Variants in HECW2 observed in about 807,000 individuals in gnomAD.
HECW2 encodes HECT, C2 and WW domain containing E3 ubiquitin protein ligase 2, also known as E3 ubiquitin-protein ligase HECW2.
Under a neutral mutation model 175.2 loss-of-function variants are expected in HECW2, and 61 were observed. The ratio of observed to expected loss-of-function variants is 0.35; its 90% CI spans 0.28 to 0.43. The LOEUF (loss-of-function observed/expected upper bound fraction) is 0.43, where lower values mean the gene tolerates loss of function less well. Among genes scored for constraint, HECW2 ranks in the 20% least tolerant of loss-of-function variants. HECW2 has a pLI of 1.00. For synonymous variants in HECW2, 671 were observed against 731.0 expected (o/e 0.92, Z 1.32); for missense variants, 1,524 against 2,000.5 (o/e 0.76, Z 4.54).
intron 1 of HECW2, among the ~76,000 whole-genome samples, chr2:196,491,407 C>T (rs905164572): frequency 9.6e-6 from 1 of 104,480 alleles, no homozygotes; most frequent in Non-Finnish European, 2.2e-5. Context: ...CACACACACA[C>T]GTGTGTATGC....
chr2:196,494,615 T>G (rs1209216208), intron 1 of HECW2, among the ~76,000 whole-genome samples: 1 of 152,118 alleles, frequency 6.6e-6, no homozygotes, highest in African/African-American at 2.4e-5. Flanking sequence ...GCATGACAAT[T>G]GAGGGTGGAT....
In HECW2 at chr2:196,347,254, G is replaced by A. The variant is rs574709154; in HGVS notation, c.293-3490C>T. ...TTTTTATATTTTCAGTAGAGACGGGGTTTCACCATGTTGGCCAGGCTGGTC... is the reference window on the plus strand; with the variant it reads ...TTTTTATATTTTCAGTAGAGACGGGATTTCACCATGTTGGCCAGGCTGGTC... On this transcript the variant is annotated intron_variant, in intron 2 of 28. Transcript: ENST00000644978. Among the ~76,000 whole-genome samples the A allele has an allele frequency of 1.6e-3, 247 of 151,992 alleles. 1 individual carries two copies. Among genetic ancestry groups the A allele is most frequent in the Non-Finnish European group, 2.8e-3 (190 of 67,996 alleles).
intron 1 of HECW2, among the ~76,000 whole-genome samples, chr2:196,572,010 A>C (rs1326724551): frequency 6.6e-6 from 1 of 152,228 alleles, no homozygotes; most frequent in Non-Finnish European, 1.5e-5. Flanking sequence ...GCATTATGTT[A>C]AGTGAAATAA....
chr2:196,544,863 C>A (rs953057459), intron 1 of HECW2, among the ~76,000 whole-genome samples: 1 of 152,160 alleles, frequency 6.6e-6, no homozygotes, highest in African/African-American at 2.4e-5. Flanking sequence ...AAAAAGGGCC[C>A]CGCAGGACCT....
chr2:196,218,761 T>G (rs1255232621), intron 26 of HECW2, among the ~76,000 whole-genome samples: 1 of 152,208 alleles, frequency 6.6e-6, no homozygotes, highest in Admixed American at 6.5e-5. Context: ...AAAATATAAC[T>G]TATGTAGCAT....
chr2:196,521,200 C>A (rs1688360924), intron 1 of HECW2, among the ~76,000 whole-genome samples: 1 of 148,800 alleles, frequency 6.7e-6, no homozygotes, highest in Non-Finnish European at 1.5e-5. Flanking sequence ...ACCAGCATCA[C>A]ACCCAGGATC....
intron 15 of HECW2, among the ~76,000 whole-genome samples, chr2:196,276,650 A>G (rs1335559177): frequency 6.6e-6 from 1 of 152,228 alleles, no homozygotes; most frequent in African/African-American, 2.4e-5. Context: ...GAATGTTGTT[A>G]GTGCCATTCA....
At chr2:196,504,133 T>C (rs1687668804) in intron 1 of HECW2, among the ~76,000 whole-genome samples, 1 of 151,770 alleles carries the variant, frequency 6.6e-6, no homozygotes, top group Admixed American at 6.6e-5. Flanking sequence ...TCATCACCAC[T>C]AAAAATACAA....
At chr2:196,423,895 T>C (rs1490811561) in intron 2 of HECW2, among the ~76,000 whole-genome samples, 1 of 152,110 alleles carries the variant, frequency 6.6e-6, no homozygotes, top group Admixed American at 6.6e-5. Flanking sequence ...ATAGTATTTA[T>C]ATTTTTAATT....
intron 28 of HECW2, 97 bp from the exon 29 acceptor site, chr2:196,201,485 T>A: frequency 1.5e-6 from 1 of 646,574 alleles, no homozygotes; most frequent in Non-Finnish European, 2.6e-6. Context: ...TGTGTATGAC[T>A]GTCTTTCACA....
chr2:196,492,075 T>TA (rs1687218640), intron 1 of HECW2, among the ~76,000 whole-genome samples: 1 of 152,194 alleles, frequency 6.6e-6, no homozygotes, highest in Non-Finnish European at 1.5e-5. Context: ...CACCACCATT[T>TA]AATGTTTAAA....
At chr2:196,452,637 G>C (rs10197389) in intron 1 of HECW2, among the ~76,000 whole-genome samples, 20,161 of 152,028 alleles carry the variant, frequency 0.13, 1,798 homozygotes, top group African/African-American at 0.26. Context: ...CTTTTATGAA[G>C]ATGAAGAAAG....
At chr2:196,545,973 C>T (rs544043671) in intron 1 of HECW2, among the ~76,000 whole-genome samples, 6 of 152,272 alleles carry the variant, frequency 3.9e-5, no homozygotes, top group African/African-American at 1.4e-4. Context: ...AAGTATATAT[C>T]TTTGACTATA....
chr2:196,253,662 A>G (rs1196926382), intron 19 of HECW2, among the ~76,000 whole-genome samples: 2 of 152,216 alleles, frequency 1.3e-5, no homozygotes, highest in East Asian at 1.9e-4. Context: ...CTGATATTGT[A>G]TGATATAACA....
At chr2:196,343,505 G>A (rs774507278) in intron 3 of HECW2, 152 bp downstream of exon 3, 11 of 571,308 alleles carry the variant, frequency 1.9e-5, no homozygotes, top group Non-Finnish European at 2.7e-5. Flanking sequence ...TCTTTACTGA[G>A]CATTTTCTAA....
At chr2:196,552,109 G>C (rs965553450) in intron 1 of HECW2, among the ~76,000 whole-genome samples, 1 of 152,164 alleles carries the variant, frequency 6.6e-6, no homozygotes, top group Non-Finnish European at 1.5e-5. Flanking sequence ...GGTATGACCT[G>C]TCTTTGAAAA....
rs1359632931 is a variant in HECW2, at chr2:196,356,260, CAAT to C, written c.293-12499_293-12497del. Among the ~76,000 whole-genome samples, 6 of 152,136 alleles carry C rather than the reference CAAT, an allele frequency of 3.9e-5. 1 individual carries two copies. In the South Asian group the frequency reaches 1.0e-3, roughly 26 times the overall value. On this transcript the variant is annotated intron_variant, in intron 2 of 28. Coordinates refer to ENST00000644978, the MANE Select transcript of HECW2 (RefSeq NM_001348768.2). ...GAACTATTATCTATAAAATTTTTAA[CAAT>C]GAGGAGAGTAAAACAGGAAGAGATT... is the stretch of plus-strand genomic sequence containing the variant.
In HECW2 at chr2:196,322,460, A is replaced by G; in HGVS notation, c.884+18T>C. The G allele has an allele frequency of 6.2e-7, 1 of 1,603,568 alleles. No homozygotes were observed. ...TGAACTAATCTCAACAAGATCCCCA[A>G]AGGTAAGGGCTGATTACCCGATGGC... is the stretch of plus-strand genomic sequence containing the variant. On this transcript the variant is annotated intron_variant, in intron 7 of 28. Transcript: ENST00000644978.
At chr2:196,258,046 TACACATCCAAGAGAG>T (rs1174148248) in intron 17 of HECW2, 140 bp from the exon 18 acceptor site, 1 of 613,166 alleles carries the variant, frequency 1.6e-6, no homozygotes, top group Non-Finnish European at 2.9e-6. Flanking sequence ...ACCCTAGGAA[TACACATCCAAGAGAG>T]ACATGGTCTT....
Sources: allele counts gnomAD v4.1 joint callset (sites outside exome capture counted in the v4.1 genomes callset), GRCh38; gene constraint gnomAD v4.1.1; transcripts MANE v1.5; gene names NCBI Gene and HGNC (gene_info 2026-07-23, HGNC 2026-07-21).